Variants in UNC80 observed in about 807,000 individuals in gnomAD.
UNC80 encodes the protein unc-80 subunit of NALCN channel complex.
UNC80 carries 164 observed loss-of-function variants against 384.6 expected under a neutral mutation model. That is an observed-to-expected ratio of 0.43 (90% CI 0.38 to 0.49). The LOEUF (loss-of-function observed/expected upper bound fraction) is 0.49. Among genes scored for constraint, UNC80 ranks in the 20% least tolerant of loss-of-function variants. The pLI is 0.00. For synonymous variants in UNC80, 1,486 were observed against 1,527.8 expected (o/e 0.97, Z 0.64); for missense variants, 3,330 against 4,143.0 (o/e 0.80, Z 5.39).
chr2:209,790,013 G>C (rs561148701), intron 6 of UNC80, among the ~76,000 whole-genome samples: 1 of 151,996 alleles, frequency 6.6e-6, no homozygotes, highest in East Asian at 1.9e-4. Context: ...TAATGCTGCC[G>C]GAGGTCAGAA....
chr2:209,930,321 A>G (rs939824611), intron 37 of UNC80, among the ~76,000 whole-genome samples: 4 of 152,100 alleles, frequency 2.6e-5, no homozygotes, highest in Admixed American at 6.5e-5. Flanking sequence ...AAAATTTTTC[A>G]TTAACCAAAA....
At chr2:209,884,066 A>G (rs1377781266) in intron 25 of UNC80, among the ~76,000 whole-genome samples, 2 of 152,200 alleles carry the variant, frequency 1.3e-5, no homozygotes, top group Non-Finnish European at 2.9e-5. Context: ...AAACCGTGCA[A>G]TTAAATTATG....
intron 25 of UNC80, among the ~76,000 whole-genome samples, chr2:209,887,225 G>A (rs1188035233): frequency 2.6e-5 from 4 of 151,772 alleles, no homozygotes; most frequent in African/African-American, 7.3e-5. Flanking sequence ...TAGTATAGAC[G>A]GGGTTTTTTC....
intron 3 of UNC80, among the ~76,000 whole-genome samples, chr2:209,776,410 C>T (rs369148647): frequency 5.3e-5 from 8 of 152,058 alleles, no homozygotes; most frequent in African/African-American, 1.9e-4. Context: ...GGTGAAACCC[C>T]GTTTCTACTA....
chr2:209,836,451 A>AT (rs758820738), intron 18 of UNC80, among the ~76,000 whole-genome samples: 33 of 152,204 alleles, frequency 2.2e-4, no homozygotes, highest in Non-Finnish European at 4.1e-4. Flanking sequence ...CATTCACTGT[A>AT]TATTTCTAGG....
At chr2:209,958,170 A>G (rs1230079374) in intron 49 of UNC80, among the ~76,000 whole-genome samples, 3 of 152,184 alleles carry the variant, frequency 2.0e-5, no homozygotes, top group East Asian at 1.9e-4. Flanking sequence ...TATGCCCTCA[A>G]ATGGTGCTTT....
At chr2:209,844,527 C>T (rs952145214) in intron 21 of UNC80, among the ~76,000 whole-genome samples, 1 of 130,896 alleles carries the variant, frequency 7.6e-6, no homozygotes, top group Non-Finnish European at 1.6e-5. Flanking sequence ...TTCCTTCCTT[C>T]CTTCCTTCCT....
At chr2:209,935,856 C>T in intron 40 of UNC80, 48 bp downstream of exon 40, 1 of 1,117,948 alleles carries the variant, frequency 8.9e-7, no homozygotes, top group Non-Finnish European at 1.3e-6. Flanking sequence ...AATGCTATGG[C>T]CACCTCACTG....
intron 7 of UNC80, among the ~76,000 whole-genome samples, chr2:209,811,849 C>A (rs1025045140): frequency 3.9e-5 from 6 of 152,076 alleles, no homozygotes; most frequent in Non-Finnish European, 8.8e-5. Flanking sequence ...ATGGTATGTG[C>A]TTCGATAGGG....
At chr2:209,836,590 C>A (rs1219268371) in intron 18 of UNC80, among the ~76,000 whole-genome samples, 1 of 152,192 alleles carries the variant, frequency 6.6e-6, no homozygotes. Context: ...TATGCCTCTA[C>A]ATAAATATTT....
At chr2:209,808,698 A>G in intron 7 of UNC80, 1 of 110,286 alleles carries the variant, frequency 9.1e-6, no homozygotes, top group Non-Finnish European at 1.9e-5. Flanking sequence ...GGAGTACTTA[A>G]GGGAGTTGGC....
rs11894519 is a variant in UNC80, at chr2:209,924,772, T to C, written c.5663-2071T>C. ...AGCTACAATGTTAAATAATTGTTGC[T>C]GATTTTTTTTTTTTTTTGGAAAATG... On this transcript the variant is annotated intron_variant, in intron 35 of 64. Coordinates refer to ENST00000673920, the MANE Select transcript of UNC80 (RefSeq NM_001371986.1). Among the ~76,000 whole-genome samples the C allele has an allele frequency of 8.3e-3, 1,257 of 151,440 alleles. 15 individuals carry two copies. The highest frequency in any genetic ancestry group is 0.03 in the African/African-American group (1,213 of 40,990).
chr2:209,781,455 C>T (rs1011414288), intron 4 of UNC80, among the ~76,000 whole-genome samples: 1 of 151,330 alleles, frequency 6.6e-6, no homozygotes, highest in African/African-American at 2.4e-5. Context: ...TGAACAACTT[C>T]TGAGTTGTTG....
intron 13 of UNC80, among the ~76,000 whole-genome samples, chr2:209,824,301 G>A (rs528005152): frequency 5.6e-4 from 86 of 152,238 alleles, no homozygotes; most frequent in African/African-American, 2.0e-3. Flanking sequence ...ATGAAGATAT[G>A]CGTGCAGGCA....
At chr2:209,804,133 T>G (rs1215903145) in intron 7 of UNC80, among the ~76,000 whole-genome samples, 1 of 152,170 alleles carries the variant, frequency 6.6e-6, no homozygotes, top group Non-Finnish European at 1.5e-5. Flanking sequence ...CCAAAGTGAT[T>G]TAAAATACCT....
intron 56 of UNC80, 119 bp downstream of exon 56, chr2:209,973,389 T>A: frequency 1.0e-6 from 1 of 1,001,448 alleles, no homozygotes; most frequent in Non-Finnish European, 1.4e-6. Flanking sequence ...AGTTCCAACT[T>A]AACTCAGAAA....
chr2:209,833,931 C>T, intron 16 of UNC80, 71 bp from the exon 17 acceptor site: 1 of 1,474,816 alleles, frequency 6.8e-7, no homozygotes, highest in Non-Finnish European at 9.2e-7. Context: ...CTTTCTTCCT[C>T]TCTACCTGGA....
rs747657957 is a variant in UNC80 at position 209,954,092 on chromosome 2, G to A, written c.7287-8G>A. ...AAGGTGACTCGGTTTTCTTTCTGTCGCTTAAAGTCTTCAGATGCTGATGGT... is the reference window on the plus strand; with the variant it reads ...AAGGTGACTCGGTTTTCTTTCTGTCACTTAAAGTCTTCAGATGCTGATGGT... On this transcript the variant is annotated splice_region_variant and splice_polypyrimidine_tract_variant and intron_variant, in intron 47 of 64. Transcript: ENST00000673920. 45 of 1,544,112 alleles carry A rather than the reference G, an allele frequency of 2.9e-5. No individual in the cohort carries two copies. The highest frequency in any genetic ancestry group is 3.8e-5 in the Non-Finnish European group (43 of 1,144,722).
intron 52 of UNC80, 126 bp from the exon 53 acceptor site, chr2:209,969,642 T>C: frequency 7.5e-7 from 1 of 1,329,166 alleles, no homozygotes; most frequent in Non-Finnish European, 1.0e-6. Flanking sequence ...TTTGGAACAA[T>C]ATGGGTAAAC....
Sources: allele counts gnomAD v4.1 joint callset (sites outside exome capture counted in the v4.1 genomes callset), GRCh38; gene constraint gnomAD v4.1.1; transcripts MANE v1.5; gene names NCBI Gene and HGNC (gene_info 2026-07-23, HGNC 2026-07-21).